ANKRD30A: variants seen among roughly 807,000 people sequenced by gnomAD.
ANKRD30A encodes ankyrin repeat domain 30A, also known as ankyrin repeat domain-containing protein 30A.
In ANKRD30A, 170 loss-of-function variants were observed where a neutral mutation model predicts 166.3. The observed-to-expected ratio is 1.02, with a 90% CI of 0.90 to 1.16. The LOEUF (loss-of-function observed/expected upper bound fraction) is 1.16. ANKRD30A is among the 50% of genes most tolerant of loss of function. The pLI is 0.00. For synonymous variants in ANKRD30A, 564 were observed against 508.9 expected, an observed-to-expected ratio of 1.11 and a Z score of -1.46; for missense variants, 1,630 against 1,518.0, an observed-to-expected ratio of 1.07 and a Z score of -1.23.
chr10:37,258,468 C>T, the ANKRD30A span, among the ~76,000 whole-genome samples: 1 of 151,872 alleles, frequency 6.6e-6, no homozygotes, highest in African/African-American at 2.4e-5. Context: ...ATATTTATAC[C>T]ATCACCTGAT....
At chr10:37,222,281 G>C (rs1842935090) in intron 34 of ANKRD30A, among the ~76,000 whole-genome samples, 1 of 151,116 alleles carries the variant, frequency 6.6e-6, no homozygotes, top group African/African-American at 2.4e-5. Flanking sequence ...ACCTTCCCCA[G>C]TCCTAGGCAA....
chr10:37,223,512 A>G (rs549790404), intron 34 of ANKRD30A, among the ~76,000 whole-genome samples: 167 of 151,502 alleles, frequency 1.1e-3, no homozygotes, highest in African/African-American at 4.0e-3. Flanking sequence ...ATCTTTGGAA[A>G]CCAAAATGTA....
chr10:37,154,268 G>T (rs574249136), intron 13 of ANKRD30A, among the ~76,000 whole-genome samples: 1 of 152,136 alleles, frequency 6.6e-6, no homozygotes, highest in East Asian at 1.9e-4. Flanking sequence ...TATACACTCC[G>T]TATAGACCAG....
chr10:37,128,700 T>A (rs1377339245), intron 1 of ANKRD30A, among the ~76,000 whole-genome samples: 1 of 152,078 alleles, frequency 6.6e-6, no homozygotes, highest in Admixed American at 6.6e-5. Flanking sequence ...TTCTATTAAC[T>A]CTCAGGACCC....
the ANKRD30A span, among the ~76,000 whole-genome samples, chr10:37,249,148 C>T: frequency 2.0e-4 from 30 of 152,084 alleles, no homozygotes; most frequent in African/African-American, 6.8e-4. Flanking sequence ...GCTTCTGAGC[C>T]GGATATTCCT....
chr10:37,219,635 ATG>A lies in ANKRD30A; in HGVS notation c.3926_3927del (p.Val1309GlufsTer5). 3.7e-6 allele frequency: 6 copies of A among 1,610,168 alleles called. No homozygotes were observed. The South Asian group carries it at 5.5e-5, about 15-fold the overall frequency. The stretch of plus-strand genomic sequence containing the variant: ...CACATGTATCAAAACGAACAAGATA[ATG>A]TGAACAAACACACTGAACAGCAGGA... On this transcript the variant is annotated frameshift_variant, in exon 34 of 36. Coordinates refer to ENST00000361713, the MANE Select transcript of ANKRD30A (RefSeq NM_052997.3). LOFTEE classifies it high-confidence loss of function.
intron 13 of ANKRD30A, among the ~76,000 whole-genome samples, chr10:37,153,893 C>G (rs17590378): frequency 3.3e-5 from 5 of 151,986 alleles, no homozygotes; most frequent in African/African-American, 7.2e-5. Context: ...ATTGCAAGAC[C>G]TGAGGAAAAT....
chr10:37,157,782 A>G (rs978731839), intron 13 of ANKRD30A, among the ~76,000 whole-genome samples: 1 of 152,208 alleles, frequency 6.6e-6, no homozygotes, highest in African/African-American at 2.4e-5. Flanking sequence ...CTCGTATTTC[A>G]CAGAGGTACA....
In ANKRD30A at chr10:37,159,898, GT is replaced by G. The variant is rs1206892075; in HGVS notation, c.1900+1314del. 6.6e-5 allele frequency among the ~76,000 whole-genome samples: 10 copies of G among 152,208 alleles called. No individual in the cohort carries two copies. The East Asian group carries it at 1.7e-3, about 26-fold the overall frequency. On this transcript the variant is annotated intron_variant, in intron 15 of 35. Transcript: ENST00000361713. ...TTTAGTAGAGACAGGGTTTCAGTGT[GT>G]TAGCCAGGATGGTCTGATCCGGATC...
At chr10:37,250,409 T>G in the ANKRD30A span, among the ~76,000 whole-genome samples, 1 of 151,960 alleles carries the variant, frequency 6.6e-6, no homozygotes, top group Admixed American at 6.5e-5. Flanking sequence ...CTATGGGAAG[T>G]GTTTTATTGG....
intron 31 of ANKRD30A, among the ~76,000 whole-genome samples, chr10:37,204,891 A>G (rs1438358840): frequency 6.6e-6 from 1 of 152,210 alleles, no homozygotes; most frequent in Admixed American, 6.5e-5. Flanking sequence ...AATCAAAACC[A>G]TGATGAGATA....
intron 11 of ANKRD30A, among the ~76,000 whole-genome samples, chr10:37,150,849 A>G (rs1462329992): frequency 6.6e-6 from 1 of 152,168 alleles, no homozygotes; most frequent in Non-Finnish European, 1.5e-5. Flanking sequence ...TAGAAACTAA[A>G]AGTAAAATAT....
chr10:37,204,975 A>G (rs1306943672), intron 31 of ANKRD30A, among the ~76,000 whole-genome samples: 3 of 152,196 alleles, frequency 2.0e-5, no homozygotes, highest in Non-Finnish European at 2.9e-5. Context: ...ATGTGGAGAA[A>G]TAGGAACGCT....
chr10:37,194,415 C>A (rs779868752), intron 27 of ANKRD30A, among the ~76,000 whole-genome samples: 4 of 150,980 alleles, frequency 2.6e-5, no homozygotes, highest in Admixed American at 2.0e-4. Context: ...CATCTCGGCT[C>A]ATGCAAGCTC....
the ANKRD30A span, among the ~76,000 whole-genome samples, chr10:37,240,111 T>C: frequency 1.6e-4 from 24 of 152,144 alleles, no homozygotes; most frequent in African/African-American, 5.5e-4. Context: ...GTTTGTTTAA[T>C]AGATAGTATG....
At chr10:37,190,347 A>G (rs1403742786) in intron 25 of ANKRD30A, among the ~76,000 whole-genome samples, 5 of 151,822 alleles carry the variant, frequency 3.3e-5, no homozygotes, top group Non-Finnish European at 7.4e-5. Flanking sequence ...ATAATGTGGA[A>G]GCAGAGCAAC....
At chr10:37,138,530 A>C (rs1037924189) in intron 6 of ANKRD30A, among the ~76,000 whole-genome samples, 3 of 152,240 alleles carry the variant, frequency 2.0e-5, no homozygotes, top group Non-Finnish European at 4.4e-5. Flanking sequence ...AGAAGTCCTT[A>C]AAGGACCTGA....
In ANKRD30A at chr10:37,158,571, C is replaced by G; in HGVS notation, c.1885C>G (p.Gln629Glu). 6.2e-7 allele frequency: 1 copy of G among 1,613,046 alleles called. No individual in the cohort carries two copies. The highest frequency in any genetic ancestry group is 8.5e-7 in the Non-Finnish European group (1 of 1,179,586). The change falls in exon 15 of 36, where the codon CAA becomes GAA. Residue 629 changes from glutamine to glutamate, a missense_variant. Gln to Glu is a conservative substitution (Grantham distance 29). Around this residue, in one of 4 missense-constraint regions of ANKRD30A, gnomAD observed 904 missense variants for 818.5 expected, o/e 1.10. Transcript: ENST00000361713. Reference protein sequence around the residue: ...PTKALELKDMQTFKAEPPGKP... With the variant: ...PTKALELKDMETFKAEPPGKP... Reference sequence around the variant, plus strand: ...TAAAGCCTTAGAATTGAAGGACATGCAAACTTTCAAAGCAGGTAAATTTTG... The same window carrying G: ...TAAAGCCTTAGAATTGAAGGACATGGAAACTTTCAAAGCAGGTAAATTTTG...
chr10:37,195,640 A>C (rs968061999), intron 27 of ANKRD30A, among the ~76,000 whole-genome samples: 1 of 152,190 alleles, frequency 6.6e-6, no homozygotes, highest in African/African-American at 2.4e-5. Flanking sequence ...CACGCCTGTA[A>C]TGCCAGCACG....
Sources: gnomAD v4.1 joint callset for allele counts (sites outside exome capture counted in the v4.1 genomes callset) on GRCh38, gnomAD v4.1.1 for gene constraint, gnomAD v4.1.1 regional missense constraint, MANE v1.5 for transcripts, NCBI Gene and HGNC (gene_info 2026-07-23, HGNC 2026-07-21) for gene names.